TMEM117: variants seen among roughly 807,000 people sequenced by gnomAD.
TMEM117 encodes transmembrane protein 117.
TMEM117 carries 27 observed loss-of-function variants against 52.4 expected under a neutral mutation model. The observed-to-expected ratio is 0.51, with a 90% CI of 0.38 to 0.71. The LOEUF is 0.71. Among genes scored for constraint, TMEM117 ranks in the 30% least tolerant of loss-of-function variants. The probability of loss-of-function intolerance (pLI) is 0.00; values close to 1 mark genes in which losing one functional copy is unlikely to be tolerated. For synonymous variants in TMEM117, 215 were observed against 206.3 expected, an observed-to-expected ratio of 1.04 and a Z score of -0.36; for missense variants, 556 against 630.5, an observed-to-expected ratio of 0.88 and a Z score of 1.26.
intron 3 of TMEM117, among the ~76,000 whole-genome samples, chr12:44,072,088 C>T (rs1479417693): frequency 1.3e-5 from 2 of 152,158 alleles, no homozygotes; most frequent in Non-Finnish European, 2.9e-5. Context: ...GCACTTCTCA[C>T]TAATAAAGAT....
chr12:44,060,716 G>A (rs1291175324), intron 3 of TMEM117, among the ~76,000 whole-genome samples: 1 of 152,196 alleles, frequency 6.6e-6, no homozygotes, highest in African/African-American at 2.4e-5. Flanking sequence ...ACAAAAGCAT[G>A]GGAGGAAGGT....
At chr12:43,972,926 T>G (rs1383323715) in intron 3 of TMEM117, among the ~76,000 whole-genome samples, 1 of 152,180 alleles carries the variant, frequency 6.6e-6, no homozygotes, top group Non-Finnish European at 1.5e-5. Flanking sequence ...AAGAGCATGC[T>G]TCTGTGATTC....
In TMEM117 at chr12:43,884,004, G is replaced by T. The variant is rs142666508; in HGVS notation, c.277+39076G>T. On this transcript the variant is annotated intron_variant, in intron 2 of 7. Transcript: ENST00000266534. Reference sequence around the variant, plus strand: ...ATACAAAAATTAGCTGGGCGTGATGGCTCACGCCTGTAGTCCAGCTACTCA... The same window carrying T: ...ATACAAAAATTAGCTGGGCGTGATGTCTCACGCCTGTAGTCCAGCTACTCA... Among the ~76,000 whole-genome samples, 1,416 of 151,972 alleles carry T rather than the reference G, an allele frequency of 9.3e-3. 88 individuals are homozygous for T. Among genetic ancestry groups the T allele is most frequent in the Admixed American group, 0.084 (1,280 of 15,260 alleles).
At chr12:44,245,520 G>A (rs1038471058) in intron 5 of TMEM117, among the ~76,000 whole-genome samples, 5 of 150,208 alleles carry the variant, frequency 3.3e-5, no homozygotes, top group Non-Finnish European at 5.9e-5. Context: ...ATGCAGAAAT[G>A]TTACTAATGT....
chr12:44,376,892 A>G (rs1738950182), intron 7 of TMEM117, among the ~76,000 whole-genome samples, 168 bp downstream of exon 7: 1 of 152,186 alleles, frequency 6.6e-6, no homozygotes, highest in South Asian at 2.1e-4. Flanking sequence ...GCTCTGTACT[A>G]TCATTCTGGG....
At chr12:43,953,238 T>C (rs1945253386) in intron 3 of TMEM117, among the ~76,000 whole-genome samples, 1 of 151,972 alleles carries the variant, frequency 6.6e-6, no homozygotes, top group Non-Finnish European at 1.5e-5. Flanking sequence ...AACAACTACA[T>C]TAGTAAGTCT....
intron 4 of TMEM117, among the ~76,000 whole-genome samples, chr12:44,195,985 C>A (rs1949415298): frequency 6.6e-6 from 1 of 151,964 alleles, no homozygotes; most frequent in Non-Finnish European, 1.5e-5. Flanking sequence ...ACTTGGAAGG[C>A]TTAGGCAGAA....
chr12:44,228,518 C>T (rs1949891998), intron 5 of TMEM117, among the ~76,000 whole-genome samples: 1 of 152,012 alleles, frequency 6.6e-6, no homozygotes, highest in Admixed American at 6.6e-5. Context: ...AAAAGATCAC[C>T]AGTCAATCAA....
chr12:44,156,063 C>T (rs1948821915), intron 4 of TMEM117, among the ~76,000 whole-genome samples: 1 of 152,066 alleles, frequency 6.6e-6, no homozygotes, highest in Admixed American at 6.6e-5. Context: ...AATCTTTGTA[C>T]TGCTTAGCAC....
At chr12:43,897,755 T>A (rs1425764495) in intron 2 of TMEM117, among the ~76,000 whole-genome samples, 1 of 144,658 alleles carries the variant, frequency 6.9e-6, no homozygotes, top group Non-Finnish European at 1.5e-5. Flanking sequence ...CACAGGCGCG[T>A]GCCACCATGC....
intron 5 of TMEM117, among the ~76,000 whole-genome samples, chr12:44,284,806 A>T (rs186528832): frequency 7.2e-6 from 1 of 138,888 alleles, no homozygotes; most frequent in Non-Finnish European, 1.5e-5. Flanking sequence ...GCATTCTACT[A>T]GGTATTTTTT....
chr12:43,799,557 G>T, the TMEM117 span: 4 of 1,027,920 alleles, frequency 3.9e-6, no homozygotes, highest in Non-Finnish European at 5.5e-6. Context: ...AAATGACAGT[G>T]AAGTTACTTT....
the TMEM117 span, among the ~76,000 whole-genome samples, chr12:43,809,925 C>T: frequency 6.6e-6 from 1 of 152,124 alleles, no homozygotes; most frequent in East Asian, 1.9e-4. Context: ...TCATTCCTAT[C>T]GGACTCAGTG....
At chr12:43,963,017 T>TTA (rs1001254994) in intron 3 of TMEM117, among the ~76,000 whole-genome samples, 5 of 151,730 alleles carry the variant, frequency 3.3e-5, no homozygotes, top group African/African-American at 1.2e-4. Flanking sequence ...TAATAGGAAA[T>TTA]TATATATATA....
At chr12:43,940,335 A>G (rs1035714914) in intron 2 of TMEM117, among the ~76,000 whole-genome samples, 9 of 152,222 alleles carry the variant, frequency 5.9e-5, no homozygotes, top group Non-Finnish European at 1.0e-4. Context: ...CACAGGCTCC[A>G]TGTGAAAATC....
chr12:44,310,125 C>T (rs185382061), intron 6 of TMEM117, among the ~76,000 whole-genome samples: 1 of 152,088 alleles, frequency 6.6e-6, no homozygotes, highest in African/African-American at 2.4e-5. Context: ...TTTTGCATGT[C>T]AAAAGTACAT....
intron 3 of TMEM117, among the ~76,000 whole-genome samples, chr12:44,111,634 G>A (rs1444282473): frequency 1.7e-5 from 2 of 118,824 alleles, no homozygotes; most frequent in Non-Finnish European, 3.3e-5. Flanking sequence ...CAACTATGTG[G>A]TCAATTTTGG....
intron 5 of TMEM117, among the ~76,000 whole-genome samples, chr12:44,279,142 T>C (rs1158382503): frequency 6.6e-6 from 1 of 152,194 alleles, no homozygotes; most frequent in Non-Finnish European, 1.5e-5. Context: ...AATAAGGAAA[T>C]GATAAAGTCA....
At chr12:44,262,205 A>G (rs942203013) in intron 5 of TMEM117, among the ~76,000 whole-genome samples, 1 of 152,194 alleles carries the variant, frequency 6.6e-6, no homozygotes, top group African/African-American at 2.4e-5. Flanking sequence ...TAGTACCACA[A>G]ATTTTTCCAT....
Sources: gnomAD v4.1 joint callset for allele counts (sites outside exome capture counted in the v4.1 genomes callset) on GRCh38, gnomAD v4.1.1 for gene constraint, MANE v1.5 for transcripts, NCBI Gene and HGNC (gene_info 2026-07-23, HGNC 2026-07-21) for gene names.